Variants in ZNF804A observed in about 807,000 individuals in gnomAD.
ZNF804A encodes zinc finger protein 804A.
ZNF804A carries 2 observed loss-of-function variants against 16.5 expected under a neutral mutation model. That is an observed-to-expected ratio of 0.12 (90% confidence interval 0.05 to 0.38). The LOEUF (loss-of-function observed/expected upper bound fraction) is 0.38, where lower values mean the gene tolerates loss of function less well. Ranked by LOEUF, ZNF804A falls within the 10% of genes least tolerant of loss-of-function variation. The pLI is 0.99. For synonymous variants in ZNF804A, 534 were observed against 489.6 expected, an observed-to-expected ratio of 1.09 and a Z score of -1.20; for missense variants, 1,473 against 1,390.7, an observed-to-expected ratio of 1.06 and a Z score of -0.94.
At position 184,599,090 on chromosome 2, in the gene ZNF804A, T is replaced by TCC; in HGVS notation, c.111+21_111+22insCC. On this transcript the variant is annotated intron_variant, in intron 1 of 3. Transcript: ENST00000302277. Reference sequence around the variant, plus strand: ...ACTCTGGTAATCGCTTCTGTTTTCCTCTCTCTCTCTCTCATATTTAAGAGG... The same window carrying TCC: ...ACTCTGGTAATCGCTTCTGTTTTCCTCCCTCTCTCTCTCTCATATTTAAGAGG... The TCC allele has an allele frequency of 8.2e-7, 1 of 1,215,166 alleles. No homozygotes were observed. Among genetic ancestry groups the TCC allele is most frequent in the Non-Finnish European group, 1.2e-6 (1 of 861,312 alleles). 75.3% of individuals were successfully genotyped at this position (1,215,166 alleles called of 1,614,324 possible). A position where few individuals can be genotyped will look rare whatever the true frequency, so the allele number is the denominator to read the frequency against.
At chr2:184,730,207 A>G (rs896188730) in intron 1 of ZNF804A, among the ~76,000 whole-genome samples, 2 of 152,064 alleles carry the variant, frequency 1.3e-5, no homozygotes, top group African/African-American at 4.8e-5. Flanking sequence ...CTTGGTTACC[A>G]TTTTTTAACA....
At chr2:184,764,115 A>G (rs1331143215) in intron 1 of ZNF804A, among the ~76,000 whole-genome samples, 1 of 152,080 alleles carries the variant, frequency 6.6e-6, no homozygotes, top group Non-Finnish European at 1.5e-5. Context: ...CTGATATAAA[A>G]CCCAACTAAA....
chr2:184,728,263 A>T (rs1174204699), intron 1 of ZNF804A, among the ~76,000 whole-genome samples: 2 of 151,854 alleles, frequency 1.3e-5, no homozygotes, highest in Non-Finnish European at 3.0e-5. Flanking sequence ...TACAAATATT[A>T]ATAACATTTT....
At chr2:184,638,889 C>T (rs765933841) in intron 1 of ZNF804A, among the ~76,000 whole-genome samples, 1 of 152,024 alleles carries the variant, frequency 6.6e-6, no homozygotes, top group Non-Finnish European at 1.5e-5. Flanking sequence ...CCTCCATTCC[C>T]GTAAGGTTGA....
At chr2:184,892,505 T>TTTTA (rs1553486537) in intron 2 of ZNF804A, among the ~76,000 whole-genome samples, 1 of 145,014 alleles carries the variant, frequency 6.9e-6, no homozygotes, top group East Asian at 2.0e-4. Context: ...TTTTTTTTTT[T>TTTTA]ATGGAGTCTT....
chr2:184,936,318 T>TTAA lies in ZNF804A; in HGVS notation c.924_925insATA (p.Leu308_Pro309insIle), dbSNP rs1473529800. The TTAA allele has an allele frequency of 6.2e-7, 1 of 1,613,796 alleles. No homozygotes were observed. The highest frequency in any genetic ancestry group is 1.1e-5 in the South Asian group (1 of 91,068). On this transcript the variant is annotated inframe_insertion, in exon 4 of 4. Transcript: ENST00000302277. ...CTCTAGTGAAAAAGATGCATTATTATTACCTTCATTTTGCAAGTTTCAACT... is the reference window on the plus strand; with the variant it reads ...CTCTAGTGAAAAAGATGCATTATTATTAATACCTTCATTTTGCAAGTTTCAACT...
chr2:184,817,177 A>G (rs995733254), intron 1 of ZNF804A, among the ~76,000 whole-genome samples: 2 of 151,932 alleles, frequency 1.3e-5, no homozygotes, highest in African/African-American at 2.4e-5. Flanking sequence ...TTTCTGGGAC[A>G]GAGCTCCCAG....
chr2:184,763,504 G>T (rs1284795709), intron 1 of ZNF804A, among the ~76,000 whole-genome samples: 1 of 151,494 alleles, frequency 6.6e-6, no homozygotes, highest in Non-Finnish European at 1.5e-5. Flanking sequence ...ACCATCTCAA[G>T]TTAGGCTTTT....
At chr2:184,913,627 C>T (rs1464488152) in intron 2 of ZNF804A, among the ~76,000 whole-genome samples, 8 of 152,102 alleles carry the variant, frequency 5.3e-5, no homozygotes, top group Non-Finnish European at 4.4e-5. Context: ...ATCTTTTCCT[C>T]GATTCAGTGA....
chr2:184,833,018 G>C (rs1032559018), intron 1 of ZNF804A, among the ~76,000 whole-genome samples: 6 of 152,004 alleles, frequency 3.9e-5, no homozygotes, highest in African/African-American at 1.4e-4. Context: ...CCAGCAGTGA[G>C]ATTCCTGAGT....
At chr2:184,853,810 G>T (rs574646463) in intron 1 of ZNF804A, among the ~76,000 whole-genome samples, 57 of 131,998 alleles carry the variant, frequency 4.3e-4, no homozygotes, top group Non-Finnish European at 7.0e-4. Context: ...ACTTTATGCT[G>T]AGGATTTTTC....
At chr2:184,658,217 C>T (rs970789845) in intron 1 of ZNF804A, among the ~76,000 whole-genome samples, 12 of 152,164 alleles carry the variant, frequency 7.9e-5, no homozygotes, top group Non-Finnish European at 1.8e-4. Flanking sequence ...GGTGTGGTGG[C>T]TCACGCCTGT....
intron 2 of ZNF804A, among the ~76,000 whole-genome samples, chr2:184,869,413 A>G (rs1695937193): frequency 1.3e-5 from 2 of 151,962 alleles, no homozygotes; most frequent in Admixed American, 1.3e-4. Context: ...AAGTGAATAG[A>G]AAAAGGGAGG....
Position 184,936,346 on chromosome 2 carries a change from A to C in ZNF804A, c.950A>C (p.Gln317Pro), listed in dbSNP as rs145934706. The stretch of plus-strand genomic sequence containing the variant: ...CCTTCATTTTGCAAGTTTCAACTTC[A>C]GTTATCTTCTGATGCAGATAATTGT... ...LLPSFCKFQL[Q>P]LSSDADNCQN... The change falls in exon 4 of 4, where the codon CAG becomes CCG. Residue 317 changes from glutamine (Q) to proline (P), a missense_variant. Gln to Pro is a moderately conservative substitution (Grantham distance 76, BLOSUM62 -1). Transcript: ENST00000302277. The C allele has an allele frequency of 1.2e-6, 2 of 1,613,832 alleles. No individual in the cohort carries two copies.
At chr2:184,886,341 C>T (rs934346864) in intron 2 of ZNF804A, among the ~76,000 whole-genome samples, 8 of 152,178 alleles carry the variant, frequency 5.3e-5, no homozygotes, top group African/African-American at 1.9e-4. Flanking sequence ...TTGGGTACAG[C>T]CTCCCTCCCA....
intron 1 of ZNF804A, among the ~76,000 whole-genome samples, chr2:184,607,137 A>G (rs1050505494): frequency 6.6e-6 from 1 of 152,302 alleles, no homozygotes; most frequent in East Asian, 1.9e-4. Context: ...CTCTCAATCA[A>G]CACACCTCAA....
chr2:184,621,585 A>G (rs535316745), intron 1 of ZNF804A, among the ~76,000 whole-genome samples: 2 of 151,758 alleles, frequency 1.3e-5, no homozygotes, highest in Admixed American at 1.3e-4. Context: ...GCCTCTATGT[A>G]GCTGATACTC....
At chr2:184,625,852 G>A (rs1212011257) in intron 1 of ZNF804A, among the ~76,000 whole-genome samples, 1 of 151,844 alleles carries the variant, frequency 6.6e-6, no homozygotes, top group East Asian at 1.9e-4. Context: ...TAACTTTGAG[G>A]ATTTCTTTTT....
rs766675028 is a variant in ZNF804A, at chr2:184,939,067, T to C, written c.*41T>C. 2 of 1,594,466 alleles carry C rather than the reference T, an allele frequency of 1.3e-6. No individual in the cohort carries two copies. The highest frequency in any genetic ancestry group is 1.1e-5 in the South Asian group (1 of 88,296). On this transcript the variant is annotated 3_prime_UTR_variant, in exon 4 of 4. Transcript: ENST00000302277. ...GAAAAAAATACTCTTGTGAAAACTATTGCTATATGCGTTAAGTGTTCATCT... is the reference window on the plus strand; with the variant it reads ...GAAAAAAATACTCTTGTGAAAACTACTGCTATATGCGTTAAGTGTTCATCT...
Sources: allele counts gnomAD v4.1 joint callset (sites outside exome capture counted in the v4.1 genomes callset), GRCh38; gene constraint gnomAD v4.1.1; transcripts MANE v1.5; gene names NCBI Gene and HGNC (gene_info 2026-07-23, HGNC 2026-07-21).